SEMA4B: variants seen among roughly 807,000 people sequenced by gnomAD.
SEMA4B encodes semaphorin 4B.
A neutral mutation model predicts 88.1 loss-of-function variants in SEMA4B; 55 were observed. The observed-to-expected ratio is 0.62, with a 90% CI of 0.50 to 0.78. The LOEUF is 0.78. Among genes scored for constraint, SEMA4B ranks in the 30% least tolerant of loss-of-function variants. The probability of loss-of-function intolerance (pLI) is 0.00; values close to 1 mark genes in which losing one functional copy is unlikely to be tolerated. For synonymous variants in SEMA4B, 525 were observed against 473.6 expected (o/e 1.11, Z -1.41); for missense variants, 1,062 against 1,111.9 (o/e 0.96, Z 0.64).
In SEMA4B at chr15:90,220,620, C is replaced by T. The variant is rs1366745314; in HGVS notation, c.484-362C>T. 2.0e-5 allele frequency among the ~76,000 whole-genome samples: 3 copies of T among 151,964 alleles called. No individual in the cohort carries two copies. The East Asian group carries it at 5.9e-4, about 30-fold the overall frequency. On this transcript the variant is annotated intron_variant, in intron 4 of 13. Transcript: ENST00000411539. ...TCCTGACCTCGTGATCCACCCGCCTCGGCCTCCCAGAGTGCTGGGATTACA... is the reference window on the plus strand; with the variant it reads ...TCCTGACCTCGTGATCCACCCGCCTTGGCCTCCCAGAGTGCTGGGATTACA...
intron 12 of SEMA4B, among the ~76,000 whole-genome samples, chr15:90,227,055 A>G (rs1432896321): frequency 1.3e-5 from 2 of 151,918 alleles, no homozygotes; most frequent in East Asian, 1.9e-4. Context: ...TTTTATTATT[A>G]TTTTTTGAGA....
At chr15:90,186,962 AT>A (rs1190590490) in intron 1 of SEMA4B, among the ~76,000 whole-genome samples, 2 of 152,084 alleles carry the variant, frequency 1.3e-5, no homozygotes, top group Non-Finnish European at 2.9e-5. Context: ...AAACAAAAAA[AT>A]AAAAATAAAA....
intron 1 of SEMA4B, among the ~76,000 whole-genome samples, chr15:90,187,746 C>T (rs574641649): frequency 1.3e-5 from 2 of 152,248 alleles, no homozygotes; most frequent in East Asian, 3.9e-4. Context: ...GTGACCCACG[C>T]CTGTAATCCC....
In SEMA4B at chr15:90,223,631, C is replaced by G; in HGVS notation, c.934C>G (p.Arg312Gly). The change falls in exon 8 of 14, where the codon CGG (arginine) becomes GGG (glycine). Residue 312 changes from arginine (R) to glycine (G), a missense_variant. Coordinates refer to ENST00000411539, the MANE Select transcript of SEMA4B (RefSeq NM_198925.4). ...SFLKAQLLCS[R>G]PDDGFPFNVL... Reference sequence around the variant, plus strand: ...CCTCAAGGCCCAGCTGCTGTGCTCACGGCCCGACGATGGCTTCCCCTTCAA... The same window carrying G: ...CCTCAAGGCCCAGCTGCTGTGCTCAGGGCCCGACGATGGCTTCCCCTTCAA... 6.2e-7 allele frequency: 1 copy of G among 1,613,538 alleles called. No homozygotes were observed. The highest frequency in any genetic ancestry group is 8.5e-7 in the Non-Finnish European group (1 of 1,179,792).
In SEMA4B at chr15:90,202,232, G is replaced by T. The variant is rs144333779; in HGVS notation, c.157+497G>T. The stretch of plus-strand genomic sequence containing the variant: ...CCGCCCCTCCATCCCTGGCTTGCCA[G>T]TGCAGCCCCAAGCCCCAGCATGGAG... On this transcript the variant is annotated intron_variant, in intron 1 of 13. Coordinates refer to ENST00000411539, the MANE Select transcript of SEMA4B (RefSeq NM_198925.4). 2.0e-4 allele frequency among the ~76,000 whole-genome samples: 30 copies of T among 152,244 alleles called. No homozygotes were observed. The East Asian group carries it at 5.2e-3, about 26-fold the overall frequency.
upstream of SEMA4B, among the ~76,000 whole-genome samples, chr15:90,198,697 A>G (rs1960596251): frequency 1.3e-5 from 2 of 152,078 alleles, no homozygotes; most frequent in African/African-American, 4.8e-5. Context: ...GGGCTACTAT[A>G]TATGTACCTG....
intron 3 of SEMA4B, among the ~76,000 whole-genome samples, chr15:90,218,482 T>A (rs1961643674): frequency 6.6e-6 from 1 of 152,210 alleles, no homozygotes; most frequent in South Asian, 2.1e-4. Flanking sequence ...TTTTAGGTAC[T>A]GGAGATTTAA....
chr15:90,200,003 T>C (rs1381808433), upstream of SEMA4B, among the ~76,000 whole-genome samples: 1 of 152,212 alleles, frequency 6.6e-6, no homozygotes, highest in African/African-American at 2.4e-5. Flanking sequence ...CCATGTGGAA[T>C]TCTGTGTCCA....
rs1596126502 is a variant in SEMA4B, at chr15:90,201,479, G to A, written c.-100G>A. 7.6e-7 allele frequency: 1 copy of A among 1,309,818 alleles called. No individual in the cohort carries two copies. Among genetic ancestry groups the A allele is most frequent in the African/African-American group, 1.6e-5 (1 of 64,266 alleles). The allele number at this position is 1,309,818 out of a possible 1,614,324, so 81.1% of individuals were successfully genotyped here. A position where few individuals can be genotyped will look rare whatever the true frequency, so the allele number is the denominator to read the frequency against. On this transcript the variant is annotated 5_prime_UTR_variant, in exon 1 of 14. Coordinates refer to ENST00000411539, the MANE Select transcript of SEMA4B (RefSeq NM_198925.4). ...CCAGGTCCGGAGGCGGGGGCCCCCG[G>A]GGCGACTCGGGGGCGGACCGCGGGG...
Position 90,223,978 on chromosome 15 carries a change from G to T in SEMA4B, c.1184G>T (p.Arg395Leu). 1 of 1,612,712 alleles carries T rather than the reference G, an allele frequency of 6.2e-7. No individual in the cohort carries two copies. The highest frequency in any genetic ancestry group is 8.5e-7 in the Non-Finnish European group (1 of 1,179,634). The change falls in exon 9 of 14, where the codon CGG becomes CTG. Residue 395 changes from arginine to leucine, a missense_variant. Physicochemically the swap from Arg to Leu is moderately radical, Grantham distance 102. Transcript: ENST00000411539. ...YTVTHPVPTP[R>L]PGACITNSAR... ...GTGACCCACCCGGTGCCCACACCCC[G>T]GCCTGGAGCGGTGGGTACTGGCTCC...
At chr15:90,225,446 C>T in intron 11 of SEMA4B, 49 bp downstream of exon 11, 2 of 1,484,742 alleles carry the variant, frequency 1.3e-6, no homozygotes, top group African/African-American at 2.8e-5. Context: ...GGGGTGCCCT[C>T]CATTAGCACC....
rs1297830821 is a variant in SEMA4B, at chr15:90,228,672, G to T, written c.*29G>T. The T allele has an allele frequency of 1.9e-6, 3 of 1,611,950 alleles. No homozygotes were observed. The highest frequency in any genetic ancestry group is 2.5e-6 in the Non-Finnish European group (3 of 1,179,594). On this transcript the variant is annotated 3_prime_UTR_variant, in exon 14 of 14. Coordinates refer to ENST00000411539, the MANE Select transcript of SEMA4B (RefSeq NM_198925.4). ...CTGACTTCCAGAGGACGCTGCCCTG[G>T]CTTCAGGGGCTGTGAATGCTCGGAG...
At chr15:90,205,955 G>T (rs1596132551) in intron 1 of SEMA4B, among the ~76,000 whole-genome samples, 1 of 152,126 alleles carries the variant, frequency 6.6e-6, no homozygotes, top group South Asian at 2.1e-4. Context: ...GCCTCTCCCT[G>T]CCTGCCCTTC....
chr15:90,223,312 GCTTC>G (rs1174852460), intron 7 of SEMA4B, among the ~76,000 whole-genome samples: 1 of 152,096 alleles, frequency 6.6e-6, no homozygotes, highest in East Asian at 1.9e-4. Flanking sequence ...GGGTCCTTTG[GCTTC>G]CTTGTTTGCT....
At chr15:90,192,970 G>A (rs998638774) in intron 1 of SEMA4B, among the ~76,000 whole-genome samples, 7 of 152,150 alleles carry the variant, frequency 4.6e-5, no homozygotes, top group Non-Finnish European at 7.4e-5. Context: ...GTGTATGAGA[G>A]AGAGAAAAAT....
intron 1 of SEMA4B, among the ~76,000 whole-genome samples, chr15:90,208,670 C>T (rs535764481): frequency 1.2e-4 from 18 of 152,242 alleles, no homozygotes; most frequent in African/African-American, 2.4e-4. Flanking sequence ...CCTTCCAGTC[C>T]GTGAAGCTTG....
chr15:90,216,039 A>C (rs1316120650), intron 1 of SEMA4B, among the ~76,000 whole-genome samples: 1 of 148,700 alleles, frequency 6.7e-6, no homozygotes, highest in Non-Finnish European at 1.5e-5. Flanking sequence ...CCCAGGCTGG[A>C]GTGCAATGGT....
chr15:90,194,008 C>T (rs1320683611), intron 1 of SEMA4B, among the ~76,000 whole-genome samples: 1 of 151,704 alleles, frequency 6.6e-6, no homozygotes, highest in African/African-American at 2.4e-5. Flanking sequence ...TGCACCACCA[C>T]GCCCGGCTAA....
At chr15:90,201,793 C>A (rs896210493) in intron 1 of SEMA4B, 58 bp downstream of exon 1, 77 of 1,364,082 alleles carry the variant, frequency 5.6e-5, no homozygotes, top group Non-Finnish European at 7.3e-5. Flanking sequence ...CGGGGACGTG[C>A]CTCGTGCGGA....
Sources: allele counts gnomAD v4.1 joint callset (sites outside exome capture counted in the v4.1 genomes callset), GRCh38; gene constraint gnomAD v4.1.1; transcripts MANE v1.5; gene names NCBI Gene and HGNC (gene_info 2026-07-23, HGNC 2026-07-21).